The following HERC1 variants were observed in gnomAD, a reference collection of about 807,000 sequenced individuals.
The protein encoded by HERC1 is HECT and RLD domain containing E3 ubiquitin protein ligase family member 1, also known as probable E3 ubiquitin-protein ligase HERC1.
HERC1 carries 160 observed loss-of-function variants against 554.3 expected under a neutral mutation model. The observed-to-expected ratio is 0.29, with a 90% CI of 0.25 to 0.33. The LOEUF is 0.33. Among genes scored for constraint, HERC1 ranks in the 10% least tolerant of loss-of-function variants. The pLI is 1.00. For missense variants in HERC1, 4,919 were observed against 5,918.5 expected, an observed-to-expected ratio of 0.83 and a Z score of 5.54; for synonymous variants, 2,175 against 2,131.7, an observed-to-expected ratio of 1.02 and a Z score of -0.56.
At chr15:63,796,058 C>A (rs1567136456) in intron 1 of HERC1, among the ~76,000 whole-genome samples, 1 of 152,236 alleles carries the variant, frequency 6.6e-6, no homozygotes, top group Non-Finnish European at 1.5e-5. Flanking sequence ...TTTATCACAG[C>A]TAGCAGATTT....
At chr15:63,817,787 C>T (rs1400611716) in intron 1 of HERC1, among the ~76,000 whole-genome samples, 1 of 152,130 alleles carries the variant, frequency 6.6e-6, no homozygotes, top group East Asian at 1.9e-4. Flanking sequence ...TGAAACAAGA[C>T]TGCCTATGAG....
rs767330274 is a variant in HERC1 at position 63,774,773 on chromosome 15, C to T, written c.851G>A (p.Gly284Asp). The change falls in exon 2 of 78, where the codon GGC (glycine) becomes GAC (aspartate). Residue 284 changes from glycine (G) to aspartate (D), a missense_variant. Physicochemically the swap from Gly to Asp is moderately conservative, Grantham distance 94. Coordinates refer to ENST00000443617, the MANE Select transcript of HERC1 (RefSeq NM_003922.4). ...ASAVVHTMEK[G>D]KLLSSQEGMI... is the part of the protein sequence containing the mutation. The stretch of plus-strand genomic sequence containing the variant: ...TCCTTCCTGGCTTGAGAGTAGTTTG[C>T]CTTTCTCCATGGTGTGTACAACTGC... 6.2e-7 allele frequency: 1 copy of T among 1,613,940 alleles called. No homozygotes were observed.
chr15:63,646,454 TA>T (rs2069343404), intron 55 of HERC1, among the ~76,000 whole-genome samples: 2 of 150,198 alleles, frequency 1.3e-5, no homozygotes, highest in African/African-American at 2.5e-5. Flanking sequence ...GTGACTGATG[TA>T]AAAAAATTTT....
Position 63,690,353 on chromosome 15 carries a change from C to T in HERC1, c.5937+188G>A, listed in dbSNP as rs1962180. Among the ~76,000 whole-genome samples, 18,561 of 151,890 alleles carry T rather than the reference C, an allele frequency of 0.12. 1,219 individuals are homozygous for T. Among genetic ancestry groups the T allele is most frequent in the Middle Eastern group, 0.17 (49 of 294 alleles). On this transcript the variant is annotated intron_variant, in intron 32 of 77. Transcript: ENST00000443617. ...GTATTCTCTATCCCTCTACTTCTCA[C>T]ACCCCATAACTTAATTTTTTTTGCC...
At chr15:63,705,421 C>T (rs1438697053) in intron 25 of HERC1, among the ~76,000 whole-genome samples, 1 of 151,984 alleles carries the variant, frequency 6.6e-6, no homozygotes, top group African/African-American at 2.4e-5. Context: ...CTGGCCCATT[C>T]TTTCTATTCT....
intron 12 of HERC1, among the ~76,000 whole-genome samples, chr15:63,742,997 T>A (rs1057107101): frequency 6.6e-6 from 1 of 152,174 alleles, no homozygotes; most frequent in African/African-American, 2.4e-5. Context: ...TCACAAAATA[T>A]AGTTGGGAAG....
In HERC1 at chr15:63,725,444, A is replaced by G; in HGVS notation, c.3416T>C (p.Val1139Ala). ...PQPAQSWVWL[V>A]DLERTIALLI... Reference sequence around the variant, plus strand: ...GAGAGCAATTGTTCTTTCTAGATCCACAAGCCATACCCAGGACTGAGCTGG... The same window carrying G: ...GAGAGCAATTGTTCTTTCTAGATCCGCAAGCCATACCCAGGACTGAGCTGG... Residue 1139 changes from valine (V) to alanine (A), a missense_variant, in exon 18 of 78, where the codon GTG becomes GCG. Physicochemically the swap from Val to Ala is moderately conservative, Grantham distance 64. Around this residue, in one of 11 missense-constraint regions of HERC1, gnomAD observed 1,121 missense variants for 1,244.0 expected, o/e 0.90. Transcript: ENST00000443617. 1.2e-6 allele frequency: 2 copies of G among 1,613,944 alleles called. No homozygotes were observed. Among genetic ancestry groups the G allele is most frequent in the Non-Finnish European group, 1.7e-6 (2 of 1,179,854 alleles).
rs1233700167 is a variant in HERC1, at chr15:63,624,382, A to G, written c.13276-55T>C. ...GGTACAATCTAGGCTTAAAAGAAAT[A>G]ACAATTTTCACTTATAGAACATACA... On this transcript the variant is annotated intron_variant, in intron 71 of 77. Transcript: ENST00000443617. The G allele has an allele frequency of 6.2e-5, 91 of 1,460,680 alleles. 1 individual carries two copies. The South Asian group carries it at 8.2e-4, about 13-fold the overall frequency. 90.5% of individuals were successfully genotyped at this position (1,460,680 alleles called of 1,614,324 possible).
chr15:63,635,854 C>T, intron 65 of HERC1, 107 bp downstream of exon 65: 1 of 1,157,838 alleles, frequency 8.6e-7, no homozygotes, highest in Non-Finnish European at 1.2e-6. Context: ...CTTATAATTA[C>T]TGTGTAATAT....
intron 25 of HERC1, among the ~76,000 whole-genome samples, chr15:63,699,255 C>A (rs538692174): frequency 6.6e-6 from 1 of 152,298 alleles, no homozygotes; most frequent in East Asian, 1.9e-4. Flanking sequence ...TTTAGCAACA[C>A]GCTGCCACAA....
rs577678585 is a variant in HERC1, at chr15:63,692,122, G to T, written c.5830+289C>A. On this transcript the variant is annotated intron_variant, in intron 31 of 77. Coordinates refer to ENST00000443617, the MANE Select transcript of HERC1 (RefSeq NM_003922.4). This position sits in a 1 kb window ranked among gnomAD's most constrained non-coding sequence, Gnocchi z 4.7. ...AGGTCGGAATCTGTGCTAAAATATC[G>T]TATTAAACAGGATGTTCTCTGCTTA... 9.2e-5 allele frequency among the ~76,000 whole-genome samples: 14 copies of T among 152,260 alleles called. No individual in the cohort carries two copies. Among genetic ancestry groups the T allele is most frequent in the African/African-American group, 2.9e-4 (12 of 41,546 alleles).
intron 25 of HERC1, among the ~76,000 whole-genome samples, chr15:63,699,278 C>T (rs1477833017): frequency 6.6e-6 from 1 of 152,184 alleles, no homozygotes; most frequent in African/African-American, 2.4e-5. Context: ...AAAAGAAAGG[C>T]AGAAGCTGTT....
At position 63,651,343 on chromosome 15, in the gene HERC1, C is replaced by T; in HGVS notation, c.10456G>A (p.Asp3486Asn). 1 of 1,613,830 alleles carries T rather than the reference C, an allele frequency of 6.2e-7. No homozygotes were observed. Among genetic ancestry groups the T allele is most frequent in the Non-Finnish European group, 8.5e-7 (1 of 1,179,736 alleles). The change falls in exon 53 of 78, where the codon GAT becomes AAT. Residue 3486 changes from aspartate to asparagine, a missense_variant. By Grantham distance (23) the Asp-to-Asn change is conservative (BLOSUM62 1). Around this residue, in one of 11 missense-constraint regions of HERC1, gnomAD observed 1,963 missense variants for 2,228.6 expected, o/e 0.88. Coordinates refer to ENST00000443617, the MANE Select transcript of HERC1 (RefSeq NM_003922.4). ...DAEESLGSPS[D>N]PSFSPVSWSI... is the part of the protein sequence containing the mutation. ...CAGGAAACTGGTGAGAAACTTGGAT[C>T]ACTGGGTGATCCCAGGCTTTCCTCA...
chr15:63,756,554 G>A lies in HERC1; in HGVS notation c.1416C>T (p.Ala472=). 1 of 1,613,860 alleles carries A rather than the reference G, an allele frequency of 6.2e-7. No homozygotes were observed. Among genetic ancestry groups the A allele is most frequent in the East Asian group, 2.2e-5 (1 of 44,882 alleles). Residue 472 remains alanine (A), a synonymous_variant, in exon 5 of 78, where the codon GCC becomes GCT. Transcript: ENST00000443617. This position sits in a 1 kb window ranked among gnomAD's most constrained non-coding sequence, Gnocchi z 5.0. Reference sequence around the variant, plus strand: ...TGAAGACTTCTCCTTCTGTCGTAAAGGCTAAAGTGTGACCATCAGATCCTT... The same window carrying A: ...TGAAGACTTCTCCTTCTGTCGTAAAAGCTAAAGTGTGACCATCAGATCCTT... ...SSKGSDGHTL[A]FTTEGEVFSW...
rs771444868 is a variant in HERC1 at position 63,674,767 on chromosome 15, C to A, written c.7421G>T (p.Ser2474Ile). 1 of 1,613,904 alleles carries A rather than the reference C, an allele frequency of 6.2e-7. No individual in the cohort carries two copies. Among genetic ancestry groups the A allele is most frequent in the Non-Finnish European group, 8.5e-7 (1 of 1,179,868 alleles). Residue 2474 changes from serine (S) to isoleucine (I), a missense_variant, in exon 38 of 78, where the codon AGT becomes ATT. Physicochemically the swap from Ser to Ile is moderately radical, Grantham distance 142. Coordinates refer to ENST00000443617, the MANE Select transcript of HERC1 (RefSeq NM_003922.4). ...ASFSLDPTLP[S>I]VESQHQITEG... Reference sequence around the variant, plus strand: ...TGTTATTTGATGTTGGGATTCCACACTTGGCAGTGTTGGATCTAAAGAAAA... The same window carrying A: ...TGTTATTTGATGTTGGGATTCCACAATTGGCAGTGTTGGATCTAAAGAAAA...
chr15:63,790,672 T>C (rs2076621184), intron 1 of HERC1, among the ~76,000 whole-genome samples: 1 of 152,102 alleles, frequency 6.6e-6, no homozygotes, highest in Admixed American at 6.6e-5. Context: ...TTGGTGGGTA[T>C]CAAACAGGAC....
intron 43 of HERC1, among the ~76,000 whole-genome samples, 186 bp from the exon 44 acceptor site, chr15:63,663,390 A>G (rs940974201): frequency 1.3e-5 from 2 of 152,182 alleles, no homozygotes; most frequent in African/African-American, 4.8e-5. Context: ...GGATAATAAT[A>G]GCACTCATAT....
chr15:63,820,763 C>T (rs1057161023), intron 1 of HERC1, among the ~76,000 whole-genome samples: 3 of 152,288 alleles, frequency 2.0e-5, no homozygotes, highest in East Asian at 1.9e-4. Flanking sequence ...AGCAGTTCTC[C>T]GGCCTTGGCC....
chr15:63,683,569 G>C (rs953585286), intron 34 of HERC1, among the ~76,000 whole-genome samples: 30 of 152,188 alleles, frequency 2.0e-4, no homozygotes, highest in African/African-American at 7.0e-4. Context: ...CTCCAAGATT[G>C]ACAAGCAAAC....
Sources: allele counts gnomAD v4.1 joint callset (sites outside exome capture counted in the v4.1 genomes callset), GRCh38; gene constraint gnomAD v4.1.1; regional missense constraint gnomAD v4.1.1; non-coding constraint Gnocchi (gnomAD v3.1); transcripts MANE v1.5; gene names NCBI Gene and HGNC (gene_info 2026-07-23, HGNC 2026-07-21).